The following MARCHF8 variants were observed in gnomAD, a reference collection of about 807,000 sequenced individuals.
MARCHF8 encodes membrane associated ring-CH-type finger 8, also known as E3 ubiquitin-protein ligase MARCHF8.
Under a neutral mutation model 51.6 loss-of-function variants are expected in MARCHF8, and 40 were observed. The ratio of observed to expected loss-of-function variants is 0.77; its 90% CI spans 0.60 to 1.01. The LOEUF is 1.01. Ranked by LOEUF, MARCHF8 falls within the 50% of genes least tolerant of loss-of-function variation. MARCHF8 has a pLI of 0.00. For missense variants in MARCHF8, 685 were observed against 708.6 expected, an observed-to-expected ratio of 0.97 and a Z score of 0.38; for synonymous variants, 263 against 280.3, an observed-to-expected ratio of 0.94 and a Z score of 0.62.
At chr10:45,520,440 T>C (rs1432537717) in intron 2 of MARCHF8, among the ~76,000 whole-genome samples, 1 of 152,208 alleles carries the variant, frequency 6.6e-6, no homozygotes, top group Non-Finnish European at 1.5e-5. Context: ...CAAATTAAGT[T>C]CCTTTCATAC....
At chr10:45,546,711 G>T (rs1428009831) in intron 1 of MARCHF8, among the ~76,000 whole-genome samples, 1 of 151,304 alleles carries the variant, frequency 6.6e-6, no homozygotes, top group Admixed American at 6.6e-5. Flanking sequence ...GAGCCCAGGG[G>T]ACAGAGGTTG....
intron 3 of MARCHF8, among the ~76,000 whole-genome samples, chr10:45,480,233 G>GT (rs1197145953): frequency 6.6e-6 from 1 of 152,126 alleles, no homozygotes; most frequent in Admixed American, 6.5e-5. Flanking sequence ...AAAACATTCA[G>GT]TTTTAAAAAG....
chr10:45,592,247 C>T (rs1273397217), intron 1 of MARCHF8, among the ~76,000 whole-genome samples: 1 of 152,088 alleles, frequency 6.6e-6, no homozygotes, highest in African/African-American at 2.4e-5. Flanking sequence ...ATTGAAAACC[C>T]TTCAATACAG....
chr10:45,585,348 C>T (rs1017225586), intron 1 of MARCHF8, among the ~76,000 whole-genome samples: 1 of 152,078 alleles, frequency 6.6e-6, no homozygotes, highest in African/African-American at 2.4e-5. Context: ...TTCATCAGTA[C>T]TACAAAGGAC....
At chr10:45,522,179 A>T (rs1228154149) in intron 2 of MARCHF8, among the ~76,000 whole-genome samples, 2 of 152,164 alleles carry the variant, frequency 1.3e-5, no homozygotes, top group African/African-American at 2.4e-5. Context: ...TAATAAAATA[A>T]TTTTTTCAGT....
intron 1 of MARCHF8, among the ~76,000 whole-genome samples, chr10:45,582,025 C>T (rs1033420708): frequency 3.3e-5 from 5 of 151,824 alleles, no homozygotes; most frequent in Admixed American, 6.6e-5. Context: ...CAATGAGTCA[C>T]GCCACAATAT....
At chr10:45,477,048 A>G (rs1246562849) in intron 3 of MARCHF8, among the ~76,000 whole-genome samples, 1 of 152,178 alleles carries the variant, frequency 6.6e-6, no homozygotes, top group African/African-American at 2.4e-5. Flanking sequence ...ACAGCACATT[A>G]TATAGTCAAA....
At chr10:45,563,201 A>G (rs2044329732) in intron 1 of MARCHF8, among the ~76,000 whole-genome samples, 1 of 151,792 alleles carries the variant, frequency 6.6e-6, no homozygotes. Flanking sequence ...TAATTTTTTT[A>G]TTTTTTGTAG....
intron 3 of MARCHF8, among the ~76,000 whole-genome samples, chr10:45,479,144 T>C (rs142908608): frequency 0.012 from 1,773 of 152,254 alleles, 14 homozygotes; most frequent in Non-Finnish European, 0.019. Flanking sequence ...AAAAAGACAG[T>C]ACACGATTAA....
intron 2 of MARCHF8, among the ~76,000 whole-genome samples, chr10:45,515,664 T>G (rs1564496870): frequency 6.6e-6 from 1 of 152,236 alleles, no homozygotes; most frequent in Non-Finnish European, 1.5e-5. Context: ...AGCCTTTCAC[T>G]GTCCGGACAT....
chr10:45,554,554 A>G (rs1252842300), intron 1 of MARCHF8, among the ~76,000 whole-genome samples: 1 of 152,210 alleles, frequency 6.6e-6, no homozygotes, highest in Non-Finnish European at 1.5e-5. Flanking sequence ...ACAAGAAAGC[A>G]AGAAGCCATC....
At chr10:45,468,110 G>C (rs1843031424) in intron 3 of MARCHF8, among the ~76,000 whole-genome samples, 1 of 152,004 alleles carries the variant, frequency 6.6e-6, no homozygotes, top group Non-Finnish European at 1.5e-5. Context: ...AATACTTTTT[G>C]ACAATTTGTT....
intron 1 of MARCHF8, among the ~76,000 whole-genome samples, chr10:45,559,432 G>A (rs539994491): frequency 1.6e-4 from 25 of 152,316 alleles, no homozygotes; most frequent in African/African-American, 5.5e-4. Flanking sequence ...CACAATCTCG[G>A]CTCACTGCAA....
At chr10:45,525,441 G>A (rs532134743) in intron 2 of MARCHF8, among the ~76,000 whole-genome samples, 111 of 152,232 alleles carry the variant, frequency 7.3e-4, no homozygotes, top group African/African-American at 2.4e-3. Context: ...AGGAGGACAG[G>A]GCAGAAAATT....
chr10:45,533,006 T>C (rs1417363491), intron 2 of MARCHF8, 104 bp downstream of exon 2: 1 of 783,114 alleles, frequency 1.3e-6, no homozygotes, highest in Non-Finnish European at 1.8e-6. Flanking sequence ...TGTCAGTATA[T>C]TATCAGAGAA....
chr10:45,545,314 C>T (rs1030003746), intron 1 of MARCHF8, among the ~76,000 whole-genome samples: 2 of 152,202 alleles, frequency 1.3e-5, no homozygotes, highest in African/African-American at 4.8e-5. Context: ...GATCAATCTC[C>T]CTGAGACAGC....
chr10:45,458,083 A>G lies in MARCHF8; in HGVS notation c.*156T>C. 1.2e-6 allele frequency: 1 copy of G among 800,870 alleles called. No homozygotes were observed. The highest frequency in any genetic ancestry group is 1.9e-6 in the Non-Finnish European group (1 of 531,592). 49.6% of individuals were successfully genotyped at this position (800,870 alleles called of 1,614,324 possible). ...TGCCTGGCCCACAGGAAGGTTTTCT[A>G]GGAGACTAAGGAGGGTTTAGAAAAA... On this transcript the variant is annotated 3_prime_UTR_variant, in exon 8 of 8. Transcript: ENST00000453424.
chr10:45,491,535 C>A (rs764728588), intron 2 of MARCHF8, among the ~76,000 whole-genome samples: 40 of 152,296 alleles, frequency 2.6e-4, no homozygotes, highest in Non-Finnish European at 4.4e-4. Context: ...CAGAGCAAGA[C>A]TCCGTATCAA....
intron 1 of MARCHF8, among the ~76,000 whole-genome samples, chr10:45,585,880 T>C (rs892735046): frequency 1.1e-3 from 161 of 152,286 alleles, no homozygotes; most frequent in African/African-American, 3.6e-3. Context: ...ATTTTTTTAA[T>C]CACCTAAAAT....
Sources: gnomAD v4.1 joint callset for allele counts (sites outside exome capture counted in the v4.1 genomes callset) on GRCh38, gnomAD v4.1.1 for gene constraint, MANE v1.5 for transcripts, NCBI Gene and HGNC (gene_info 2026-07-23, HGNC 2026-07-21) for gene names.